FSIP2: variants seen among roughly 807,000 people sequenced by gnomAD.
FSIP2 encodes the protein fibrous sheath interacting protein 2.
A neutral mutation model predicts 510.5 loss-of-function variants in FSIP2; 367 were observed. The observed-to-expected ratio is 0.72, with a 90% confidence interval of 0.66 to 0.78. The LOEUF is 0.78. Among genes scored for constraint, FSIP2 ranks in the 30% least tolerant of loss-of-function variants. FSIP2 has a pLI of 0.00. For synonymous variants in FSIP2, 2,601 were observed against 2,732.2 expected (o/e 0.95, Z 1.50); for missense variants, 7,594 against 7,901.7 (o/e 0.96, Z 1.48).
In FSIP2 at chr2:185,807,467, C is replaced by T. The variant is rs374555537; in HGVS notation, c.18161C>T (p.Ala6054Val). ...LNFLQMKLVS[A>V]VATEISQDKY... is the part of the protein sequence containing the mutation. ...TTCCTTCAAATGAAGTTAGTAAGTG[C>T]AGTTGCAACAGAGATCTCCCAAGAT... The change falls in exon 17 of 23, where the codon GCA becomes GTA. Residue 6054 changes from alanine to valine, a missense_variant. Physicochemically the swap from Ala to Val is moderately conservative, Grantham distance 64. Transcript: ENST00000424728. The T allele has an allele frequency of 2.5e-6, 4 of 1,612,410 alleles. No homozygotes were observed. The highest frequency in any genetic ancestry group is 1.1e-5 in the South Asian group (1 of 90,982).
In FSIP2 at chr2:185,788,839, A is replaced by T. The variant is rs111265848; in HGVS notation, c.1703A>T (p.Tyr568Phe). 1,162 of 1,534,654 alleles carry T rather than the reference A, an allele frequency of 7.6e-4. 7 individuals are homozygous for T. The highest frequency in any genetic ancestry group is 7.2e-4 in the Non-Finnish European group (830 of 1,145,866). ...FCSTCSEDFT[Y>F]RSYTSATTKT... ...AGCACGTGCAGTGAAGACTTTACATATAGAAGCTACACATCTGCAACAACT... is the reference window on the plus strand; with the variant it reads ...AGCACGTGCAGTGAAGACTTTACATTTAGAAGCTACACATCTGCAACAACT... The change falls in exon 16 of 23, where the codon TAT becomes TTT. Residue 568 changes from tyrosine (Y) to phenylalanine (F), a missense_variant. Tyr to Phe is a conservative substitution (Grantham distance 22). Transcript: ENST00000424728.
At position 185,790,009 on chromosome 2, in the gene FSIP2, G is replaced by A. The variant is rs1693082505; in HGVS notation, c.2873G>A (p.Arg958Lys). The A allele has an allele frequency of 6.5e-7, 1 of 1,533,964 alleles. No homozygotes were observed. The highest frequency in any genetic ancestry group is 1.4e-5 in the African/African-American group (1 of 72,966). ...GTAAATGAAAGTTTTCAAAAAAGTA[G>A]GCAACCTAGAATAAGTAGTCCTTCT... is the stretch of plus-strand genomic sequence containing the variant. ...EPVNESFQKS[R>K]QPRISSPSDT... Residue 958 changes from arginine to lysine, a missense_variant, in exon 16 of 23, where the codon AGG (arginine) becomes AAG (lysine). Physicochemically the swap from Arg to Lys is conservative, Grantham distance 26. Transcript: ENST00000424728.
At chr2:185,770,331 G>T (rs912790288) in intron 13 of FSIP2, among the ~76,000 whole-genome samples, 6 of 152,056 alleles carry the variant, frequency 3.9e-5, no homozygotes, top group African/African-American at 1.4e-4. Flanking sequence ...TTCATTTTCT[G>T]GTTGTTGTGA....
In FSIP2 at chr2:185,805,300, C is replaced by T. The variant is rs747391070; in HGVS notation, c.15994C>T (p.Pro5332Ser). The T allele has an allele frequency of 1.9e-5, 30 of 1,594,640 alleles. 2 individuals carry two copies. The highest frequency in any genetic ancestry group is 1.4e-4 in the South Asian group (12 of 86,922). ...TAAGAAAAGTGATATTAAAGTTTTA[C>T]CAAATGCTGAAAAAATGTTTTCTTT... ...EFKKSDIKVL[P>S]NAEKMFSFPP... The change falls in exon 17 of 23, where the codon CCA becomes TCA. Residue 5332 changes from proline (P) to serine (S), a missense_variant. Transcript: ENST00000424728.
intron 13 of FSIP2, among the ~76,000 whole-genome samples, chr2:185,781,001 CCTT>C (rs781228251): frequency 6.6e-6 from 1 of 151,952 alleles, no homozygotes; most frequent in Non-Finnish European, 1.5e-5. Context: ...TTCTCCTCCT[CCTT>C]CTCCACCCAC....
intron 13 of FSIP2, chr2:185,766,041 T>G (rs1291219793): frequency 1.3e-5 from 2 of 151,854 alleles, no homozygotes; most frequent in East Asian, 3.9e-4. Flanking sequence ...AAGGAGATTT[T>G]GGGCTGAGAC....
rs778359211 is a variant in FSIP2 at position 185,796,121 on chromosome 2, G to A, written c.8985G>A (p.Thr2995=). 72 of 1,534,098 alleles carry A rather than the reference G, an allele frequency of 4.7e-5. No individual in the cohort carries two copies. Among genetic ancestry groups the A allele is most frequent in the East Asian group, 3.9e-4 (16 of 40,818 alleles). Residue 2995 remains threonine (T), a synonymous_variant, in exon 16 of 23, where the codon ACG becomes ACA. Transcript: ENST00000424728. ...SNQIVQEIVE[T]VLNMLESFVD... ...AAATTGTTCAAGAGATTGTAGAAAC[G>A]GTTTTAAACATGTTAGAGTCATTTG... is the stretch of plus-strand genomic sequence containing the variant.
chr2:185,832,794 A>C (rs193043033), intron 22 of FSIP2, among the ~76,000 whole-genome samples: 2 of 152,066 alleles, frequency 1.3e-5, no homozygotes, highest in East Asian at 3.9e-4. Flanking sequence ...ATGTACTTCT[A>C]CTTTCTCTTG....
rs1251906066 is a variant in FSIP2 at position 185,756,280 on chromosome 2, T to C, written c.1078+2T>C. On this transcript the variant is annotated splice_donor_variant, in intron 9 of 22. Transcript: ENST00000424728. LOFTEE classifies it high-confidence loss of function. Reference sequence around the variant, plus strand: ...AGAATACATATAAAGAAACACATGGTAATTGAATATTGTGACAAGAAACAC... The same window carrying C: ...AGAATACATATAAAGAAACACATGGCAATTGAATATTGTGACAAGAAACAC... 8.9e-7 allele frequency: 1 copy of C among 1,127,178 alleles called. No individual in the cohort carries two copies. The highest frequency in any genetic ancestry group is 1.2e-6 in the Non-Finnish European group (1 of 814,754). 69.8% of individuals were successfully genotyped at this position (1,127,178 alleles called of 1,614,324 possible). A position where few individuals can be genotyped will look rare whatever the true frequency, so the allele number is the denominator to read the frequency against.
Position 185,805,887 on chromosome 2 carries a change from T to G in FSIP2, c.16581T>G (p.Ile5527Met), listed in dbSNP as rs925812491. 1 of 1,608,708 alleles carries G rather than the reference T, an allele frequency of 6.2e-7. No individual in the cohort carries two copies. Among genetic ancestry groups the G allele is most frequent in the Non-Finnish European group, 8.5e-7 (1 of 1,177,814 alleles). The change falls in exon 17 of 23, where the codon ATT becomes ATG. Residue 5527 changes from isoleucine (I) to methionine (M), a missense_variant. Coordinates refer to ENST00000424728, the MANE Select transcript of FSIP2 (RefSeq NM_173651.4). ...AAGTGGATGAAAATAAAGTGGGAAT[T>G]TGTACTCAAAAACATAGTGAGAATG... Reference protein sequence around the residue: ...KKEVDENKVGICTQKHSENVS... With the variant: ...KKEVDENKVGMCTQKHSENVS...
rs574618827 is a variant in FSIP2, at chr2:185,792,212, C to T, written c.5076C>T (p.Ser1692=). ...VVKLILDAVS[S]DMFNEMESEG... The stretch of plus-strand genomic sequence containing the variant: ...AGTTAATTTTAGATGCAGTATCTTC[C>T]GATATGTTTAATGAAATGGAATCTG... The change falls in exon 16 of 23, where the codon TCC becomes TCT. Residue 1692 remains serine, a synonymous_variant. Transcript: ENST00000424728. 102 of 1,532,204 alleles carry T rather than the reference C, an allele frequency of 6.7e-5. No individual in the cohort carries two copies. The highest frequency in any genetic ancestry group is 1.1e-4 in the African/African-American group (8 of 72,784). 94.9% of individuals were successfully genotyped at this position (1,532,204 alleles called of 1,614,324 possible). A position where few individuals can be genotyped will look rare whatever the true frequency, so the allele number is the denominator to read the frequency against.
At position 185,792,800 on chromosome 2, in the gene FSIP2, G is replaced by C; in HGVS notation, c.5664G>C (p.Lys1888Asn). The C allele has an allele frequency of 6.5e-7, 1 of 1,534,380 alleles. No homozygotes were observed. Among genetic ancestry groups the C allele is most frequent in the Non-Finnish European group, 8.7e-7 (1 of 1,145,716 alleles). ...CTCATGAACACACCTATAAAGGAAA[G>C]TCCTCTGTCACGGCTTTGGATGAAA... is the stretch of plus-strand genomic sequence containing the variant. ...VSSHEHTYKG[K>N]SSVTALDENP... The change falls in exon 16 of 23, where the codon AAG (lysine) becomes AAC (asparagine). Residue 1888 changes from lysine to asparagine, a missense_variant. Physicochemically the swap from Lys to Asn is moderately conservative, Grantham distance 94. Transcript: ENST00000424728.
chr2:185,746,181 C>T (rs181320322), intron 5 of FSIP2, among the ~76,000 whole-genome samples: 9 of 152,084 alleles, frequency 5.9e-5, no homozygotes, highest in Non-Finnish European at 7.4e-5. Context: ...TGCCATAATA[C>T]ATATTGATGT....
intron 21 of FSIP2, among the ~76,000 whole-genome samples, chr2:185,831,114 T>C (rs757176373): frequency 1.1e-4 from 17 of 151,952 alleles, no homozygotes; most frequent in Non-Finnish European, 1.6e-4. Context: ...ACATTCCTCT[T>C]GTGTTACATG....
chr2:185,781,515 C>T (rs944283983), intron 13 of FSIP2, among the ~76,000 whole-genome samples: 9 of 152,106 alleles, frequency 5.9e-5, no homozygotes, highest in Non-Finnish European at 2.9e-5. Context: ...AGTTTTAATT[C>T]TCCATCTTTT....
Position 185,794,083 on chromosome 2 carries a change from C to T in FSIP2, c.6947C>T (p.Ala2316Val). Residue 2316 changes from alanine to valine, a missense_variant, in exon 16 of 23, where the codon GCA (alanine) becomes GTA (valine). Transcript: ENST00000424728. ...GATGTAAATGTCCTGAAAATATCAG[C>T]AACTGAAACCATTCTCAGCCAAGAG... ...ESDVNVLKIS[A>V]TETILSQELT... is the part of the protein sequence containing the mutation. The T allele has an allele frequency of 6.5e-7, 1 of 1,529,940 alleles. No individual in the cohort carries two copies. Among genetic ancestry groups the T allele is most frequent in the Non-Finnish European group, 8.7e-7 (1 of 1,142,878 alleles). 94.8% of individuals were successfully genotyped at this position (1,529,940 alleles called of 1,614,324 possible).
Position 185,813,532 on chromosome 2 carries a change from C to T in FSIP2, c.19828-13C>T. 6.7e-7 allele frequency: 1 copy of T among 1,483,976 alleles called. No individual in the cohort carries two copies. Among genetic ancestry groups the T allele is most frequent in the Non-Finnish European group, 9.0e-7 (1 of 1,109,148 alleles). 91.9% of individuals were successfully genotyped at this position (1,483,976 alleles called of 1,614,324 possible). A position where few individuals can be genotyped will look rare whatever the true frequency, so the allele number is the denominator to read the frequency against. On this transcript the variant is annotated splice_polypyrimidine_tract_variant and intron_variant, in intron 17 of 22. Coordinates refer to ENST00000424728, the MANE Select transcript of FSIP2 (RefSeq NM_173651.4). ...GCATTTGATTTTAATATTTGCTATA[C>T]CTTTAATTTCAGGCCGTTGCTAGAA...
In FSIP2 at chr2:185,789,227, A is replaced by G. The variant is rs191655821; in HGVS notation, c.2091A>G (p.Lys697=). The change falls in exon 16 of 23, where the codon AAA becomes AAG. Residue 697 remains lysine, a synonymous_variant. Coordinates refer to ENST00000424728, the MANE Select transcript of FSIP2 (RefSeq NM_173651.4). ...KNLKNVFVNF[K]CYLKGETEVI... ...TAAAAAATGTTTTTGTTAACTTTAAATGTTACTTGAAAGGGGAAACTGAAG... is the reference window on the plus strand; with the variant it reads ...TAAAAAATGTTTTTGTTAACTTTAAGTGTTACTTGAAAGGGGAAACTGAAG... 1,722 of 1,534,508 alleles carry G rather than the reference A, an allele frequency of 1.1e-3. 11 individuals carry two copies. The highest frequency in any genetic ancestry group is 7.0e-3 in the East Asian group (286 of 40,868).
In FSIP2 at chr2:185,804,207, C is replaced by A; in HGVS notation, c.14901C>A (p.Asn4967Lys). ...LCKILYAFSH[N>K]MLVTENPDRV... is the part of the protein sequence containing the mutation. ...AAATTCTTTATGCATTTTCACATAA[C>A]ATGTTGGTTACTGAAAATCCAGATA... is the stretch of plus-strand genomic sequence containing the variant. The change falls in exon 17 of 23, where the codon AAC becomes AAA. Residue 4967 changes from asparagine to lysine, a missense_variant. Physicochemically the swap from Asn to Lys is moderately conservative, Grantham distance 94 (BLOSUM62 0). Transcript: ENST00000424728. 1 of 1,517,534 alleles carries A rather than the reference C, an allele frequency of 6.6e-7. No individual in the cohort carries two copies. The highest frequency in any genetic ancestry group is 8.8e-7 in the Non-Finnish European group (1 of 1,139,592). 94.0% of individuals were successfully genotyped at this position (1,517,534 alleles called of 1,614,324 possible). A position where few individuals can be genotyped will look rare whatever the true frequency, so the allele number is the denominator to read the frequency against.
Sources: allele counts gnomAD v4.1 joint callset (sites outside exome capture counted in the v4.1 genomes callset), GRCh38; gene constraint gnomAD v4.1.1; transcripts MANE v1.5; gene names NCBI Gene and HGNC (gene_info 2026-07-23, HGNC 2026-07-21).